Variants in HRH1 observed in about 807,000 individuals in gnomAD.
The protein encoded by HRH1 is histamine receptor H1.
Under a neutral mutation model 10.3 loss-of-function variants are expected in HRH1, and 6 were observed. That is an observed-to-expected ratio of 0.58 (90% CI 0.32 to 1.15). The LOEUF (loss-of-function observed/expected upper bound fraction) is 1.15. HRH1 is among the 50% of genes most tolerant of loss of function. HRH1 has a pLI of 0.05. For missense variants in HRH1, 514 were observed against 615.3 expected (o/e 0.84, Z 1.74); for synonymous variants, 242 against 236.7 (o/e 1.02, Z -0.21).
intron 1 of HRH1, among the ~76,000 whole-genome samples, chr3:11,221,390 T>C (rs1471176340): frequency 6.6e-6 from 1 of 151,440 alleles, no homozygotes; most frequent in Non-Finnish European, 1.5e-5. Context: ...CTGTCTCTAC[T>C]AAAATACAAA....
In HRH1 at chr3:11,260,014, G is replaced by A. The variant is rs74840800; in HGVS notation, c.977G>A (p.Arg326Gln). Residue 326 changes from arginine (R) to glutamine (Q), a missense_variant, in exon 2 of 2, where the codon CGG (arginine) becomes CAG (glutamine). Physicochemically the swap from Arg to Gln is conservative, Grantham distance 43. Coordinates refer to ENST00000431010, the MANE Select transcript of HRH1 (RefSeq NM_001098212.2). ...AGCAGGGACTATGTAGCCGTCAACC[G>A]GAGCCATGGCCAGCTCAAGACAGAT... The part of the protein sequence containing the change: ...GSSRDYVAVN[R>Q]SHGQLKTDEQ... 1,990 of 1,614,112 alleles carry A rather than the reference G, an allele frequency of 1.2e-3. 20 individuals carry two copies. In the African/African-American group the frequency reaches 0.018, roughly 15 times the overall value.
At chr3:11,144,436 CA>C (rs1574968451) in intron 1 of HRH1, among the ~76,000 whole-genome samples, 3 of 150,370 alleles carry the variant, frequency 2.0e-5, no homozygotes, top group Admixed American at 2.0e-4. Context: ...TACATATAGA[CA>C]TATAGACATA....
chr3:11,138,203 TA>T (rs1936220470), intron 1 of HRH1, among the ~76,000 whole-genome samples: 1 of 144,282 alleles, frequency 6.9e-6, no homozygotes. Flanking sequence ...TTTGTATTTT[TA>T]GTAGAGACGG....
chr3:11,235,857 C>G (rs1939167919), intron 1 of HRH1, among the ~76,000 whole-genome samples: 1 of 152,208 alleles, frequency 6.6e-6, no homozygotes, highest in Admixed American at 6.5e-5. Flanking sequence ...AGCCTCTTTC[C>G]CAGTCCTTTG....
chr3:11,249,402 C>CAAAA (rs4037602), intron 1 of HRH1, among the ~76,000 whole-genome samples: 16 of 71,870 alleles, frequency 2.2e-4, no homozygotes, highest in Admixed American at 3.6e-4. Context: ...GACTCTGTCT[C>CAAAA]AAAAAAAAAA....
intron 1 of HRH1, among the ~76,000 whole-genome samples, chr3:11,215,618 T>A (rs1314568766): frequency 6.8e-6 from 1 of 147,184 alleles, no homozygotes; most frequent in African/African-American, 2.4e-5. Flanking sequence ...TTTTTTGTAT[T>A]TTTTAGTAGA....
At chr3:11,225,953 T>C (rs1264188506) in intron 1 of HRH1, 4 of 152,280 alleles carry the variant, frequency 2.6e-5, no homozygotes, top group African/African-American at 9.6e-5. Context: ...GATGAATGAC[T>C]AAAAGGAAGT....
At chr3:11,243,596 G>A (rs528326462) in intron 1 of HRH1, among the ~76,000 whole-genome samples, 3 of 152,312 alleles carry the variant, frequency 2.0e-5, no homozygotes, top group East Asian at 3.9e-4. Flanking sequence ...TGGCCCCAGC[G>A]TGTGCTTCCA....
At chr3:11,246,028 A>G (rs1477218307) in intron 1 of HRH1, among the ~76,000 whole-genome samples, 2 of 151,738 alleles carry the variant, frequency 1.3e-5, no homozygotes, top group African/African-American at 4.8e-5. Flanking sequence ...ACTCACACTC[A>G]TACACACACT....
At chr3:11,152,275 C>T (rs972906875), upstream of HRH1, among the ~76,000 whole-genome samples, 1 of 152,206 alleles carries the variant, frequency 6.6e-6, no homozygotes, top group African/African-American at 2.4e-5. Flanking sequence ...TACTTTTCTG[C>T]TGCAGCCTGT....
At chr3:11,199,457 C>T (rs1270193046) in intron 1 of HRH1, among the ~76,000 whole-genome samples, 1 of 152,164 alleles carries the variant, frequency 6.6e-6, no homozygotes, top group African/African-American at 2.4e-5. Flanking sequence ...ATTCTCCCCT[C>T]AGGCCCTGAT....
intron 1 of HRH1, among the ~76,000 whole-genome samples, chr3:11,235,961 A>G (rs1048551508): frequency 2.0e-5 from 3 of 152,164 alleles, no homozygotes; most frequent in Non-Finnish European, 2.9e-5. Context: ...ATGTGGCCAA[A>G]AAAAAGCCCA....
chr3:11,158,601 A>G (rs1936865078), intron 1 of HRH1, among the ~76,000 whole-genome samples: 1 of 152,108 alleles, frequency 6.6e-6, no homozygotes, highest in African/African-American at 2.4e-5. Context: ...AACATCTTTA[A>G]TATCTCGTGA....
intron 1 of HRH1, among the ~76,000 whole-genome samples, chr3:11,198,334 G>A (rs919318355): frequency 5.3e-5 from 8 of 151,914 alleles, no homozygotes; most frequent in Non-Finnish European, 8.8e-5. Context: ...AATTCCCGAC[G>A]CTCTTAACAT....
chr3:11,168,375 T>C (rs1249835336), intron 1 of HRH1, among the ~76,000 whole-genome samples: 1 of 152,056 alleles, frequency 6.6e-6, no homozygotes, highest in Non-Finnish European at 1.5e-5. Flanking sequence ...TACAATGGGA[T>C]GTGTGGATGA....
chr3:11,172,035 T>G (rs113814161), intron 1 of HRH1, among the ~76,000 whole-genome samples: 2 of 152,230 alleles, frequency 1.3e-5, no homozygotes, highest in Non-Finnish European at 2.9e-5. Flanking sequence ...TTGTATCACT[T>G]GTATCACAGC....
chr3:11,197,924 G>A (rs1937729176), intron 1 of HRH1, among the ~76,000 whole-genome samples: 1 of 152,174 alleles, frequency 6.6e-6, no homozygotes, highest in African/African-American at 2.4e-5. Context: ...AATTGGAGGT[G>A]TGTCTCTCAA....
At chr3:11,207,334 GC>G (rs1021457136) in intron 1 of HRH1, among the ~76,000 whole-genome samples, 1 of 152,132 alleles carries the variant, frequency 6.6e-6, no homozygotes, top group African/African-American at 2.4e-5. Flanking sequence ...GGAGGCCAAG[GC>G]GGGTGGATCA....
intron 1 of HRH1, among the ~76,000 whole-genome samples, chr3:11,147,503 A>G (rs545118743): frequency 3.3e-5 from 5 of 152,302 alleles, no homozygotes; most frequent in South Asian, 2.1e-4. Context: ...TGCCCTCAAG[A>G]TATTCCAGTT....
Sources: gnomAD v4.1 joint callset for allele counts (sites outside exome capture counted in the v4.1 genomes callset) on GRCh38, gnomAD v4.1.1 for gene constraint, MANE v1.5 for transcripts, NCBI Gene and HGNC (gene_info 2026-07-23, HGNC 2026-07-21) for gene names.